PRH1: variants seen among roughly 807,000 people sequenced by gnomAD.
PRH1 encodes the protein salivary acidic proline-rich phosphoprotein 1/2.
PRH1 carries 7 observed loss-of-function variants against 7.9 expected under a neutral mutation model. That is an observed-to-expected ratio of 0.89 (90% CI 0.50 to 1.67). PRH1 has a LOEUF of 1.67. Ranked by LOEUF, PRH1 falls within the 40% of genes most tolerant of loss-of-function variation. The pLI, the probability that PRH1 is intolerant of heterozygous loss-of-function variation, is 0.00. For synonymous variants in PRH1, 45 were observed against 80.8 expected (o/e 0.56, Z 2.38); for missense variants, 109 against 223.6 (o/e 0.49, Z 3.27).
At chr12:10,998,579 T>C (rs544104337) in intron 1 of PRH1, among the ~76,000 whole-genome samples, 3 of 152,202 alleles carry the variant, frequency 2.0e-5, no homozygotes, top group Admixed American at 2.0e-4. Context: ...ATGGAAGGAA[T>C]TGCTTTCTTG....
At chr12:10,971,365 G>T (rs199627981) in intron 2 of PRH1, among the ~76,000 whole-genome samples, 2 of 86,260 alleles carry the variant, frequency 2.3e-5, no homozygotes. Context: ...TTACACTTGT[G>T]AGTATTATCT....
intron 2 of PRH1, among the ~76,000 whole-genome samples, chr12:10,961,810 G>A (rs947066435): frequency 2.0e-5 from 3 of 152,162 alleles, no homozygotes; most frequent in South Asian, 2.1e-4. Flanking sequence ...CTCCTCTCTC[G>A]CTTCCATGGA....
chr12:11,069,115 A>G (rs796378400), intron 1 of PRH1, among the ~76,000 whole-genome samples: 57,666 of 120,024 alleles, frequency 0.48, 12,476 homozygotes, highest in Non-Finnish European at 0.56. Flanking sequence ...ACTGGGTTTC[A>G]CCATGTTTCC....
At chr12:10,997,655 G>T in intron 1 of PRH1, 1 of 1,613,532 alleles carries the variant, frequency 6.2e-7, no homozygotes, top group Non-Finnish European at 8.5e-7. Flanking sequence ...ATTAGATGAA[G>T]TTGGATTCAA....
intron 1 of PRH1, chr12:11,171,135 AATG>A (rs1444953675): frequency 7.6e-6 from 3 of 393,516 alleles, no homozygotes; most frequent in Non-Finnish European, 1.3e-5. Flanking sequence ...TTGAGCTCTA[AATG>A]GTAAATGCCA....
upstream of PRH1, among the ~76,000 whole-genome samples, chr12:10,885,420 T>G (rs1335055810): frequency 6.6e-6 from 1 of 152,142 alleles, no homozygotes; most frequent in Non-Finnish European, 1.5e-5. Context: ...TACAAAGGTG[T>G]CCTTTATTTA....
At chr12:10,919,284 ACT>A (rs1950014056) in intron 2 of PRH1, among the ~76,000 whole-genome samples, 1 of 152,132 alleles carries the variant, frequency 6.6e-6, no homozygotes, top group Admixed American at 6.5e-5. Context: ...ATATTTATAA[ACT>A]CTATAATTTT....
At chr12:11,035,655 TA>T (rs1365072610) in intron 1 of PRH1, among the ~76,000 whole-genome samples, 39 of 152,180 alleles carry the variant, frequency 2.6e-4, no homozygotes, top group Non-Finnish European at 2.5e-4. Flanking sequence ...AAGAAGAGAA[TA>T]AAAGCAAGAT....
chr12:11,012,102 A>G (rs1042539007), intron 1 of PRH1, among the ~76,000 whole-genome samples: 2 of 152,146 alleles, frequency 1.3e-5, no homozygotes, highest in East Asian at 3.9e-4. Flanking sequence ...TTCCTTGGGC[A>G]CTTAAAAAAC....
At chr12:11,142,455 T>C (rs1946727199) in intron 1 of PRH1, among the ~76,000 whole-genome samples, 1 of 152,182 alleles carries the variant, frequency 6.6e-6, no homozygotes, top group South Asian at 2.1e-4. Flanking sequence ...ACTTCAAAGC[T>C]GCCCTAATCA....
intron 2 of PRH1, among the ~76,000 whole-genome samples, chr12:10,960,161 T>C (rs1003295268): frequency 6.6e-6 from 1 of 152,146 alleles, no homozygotes; most frequent in East Asian, 1.9e-4. Context: ...TAAATAACTA[T>C]AAATCAAGAG....
At chr12:11,133,134 C>CACAG (rs1946420288) in intron 1 of PRH1, 3 of 965,856 alleles carry the variant, frequency 3.1e-6, no homozygotes, top group Non-Finnish European at 4.4e-6. Context: ...CACACACACA[C>CACAG]ACACACACAT....
intron 1 of PRH1, among the ~76,000 whole-genome samples, chr12:11,001,176 C>T (rs948708988): frequency 6.6e-6 from 1 of 151,744 alleles, no homozygotes; most frequent in East Asian, 1.9e-4. Flanking sequence ...GGGGGGATAG[C>T]AGCTTGTCTG....
intron 2 of PRH1, chr12:10,938,080 T>C (rs975019940): frequency 5.8e-5 from 31 of 533,432 alleles, no homozygotes; most frequent in Non-Finnish European, 9.8e-5. Flanking sequence ...TTCTTCTCTG[T>C]ATGGTAATAT....
chr12:11,084,158 C>G (rs546064974), intron 1 of PRH1, among the ~76,000 whole-genome samples: 1 of 120,374 alleles, frequency 8.3e-6, no homozygotes, highest in South Asian at 2.2e-4. Context: ...GGATTAAAAA[C>G]TCCTTCCCTC....
intron 1 of PRH1, among the ~76,000 whole-genome samples, chr12:11,036,724 T>G (rs1432919404): frequency 1.3e-5 from 2 of 152,238 alleles, no homozygotes; most frequent in Non-Finnish European, 2.9e-5. Flanking sequence ...CTTTGCTGTT[T>G]ACTATTGTAA....
At chr12:10,932,384 T>C (rs1038973226) in intron 2 of PRH1, 7 of 247,986 alleles carry the variant, frequency 2.8e-5, no homozygotes, top group African/African-American at 4.4e-5. Context: ...CATGTTCACA[T>C]TGTAAGAACA....
intron 2 of PRH1, chr12:10,932,129 G>A (rs1342372583): frequency 2.9e-6 from 1 of 346,484 alleles, no homozygotes; most frequent in Non-Finnish European, 6.5e-6. Context: ...AGGGCAAAAG[G>A]ATGGTTTTGC....
At chr12:11,151,884 C>A (rs952709516) in intron 1 of PRH1, among the ~76,000 whole-genome samples, 8 of 151,892 alleles carry the variant, frequency 5.3e-5, no homozygotes, top group African/African-American at 1.9e-4. Flanking sequence ...TAATATATTA[C>A]CATGGGTTAA....
Sources: allele counts gnomAD v4.1 joint callset (sites outside exome capture counted in the v4.1 genomes callset), GRCh38; gene constraint gnomAD v4.1.1; transcripts MANE v1.5; gene names NCBI Gene and HGNC (gene_info 2026-07-23, HGNC 2026-07-21).